JRK: variants seen among roughly 807,000 people sequenced by gnomAD.
JRK encodes jerky protein homolog.
For missense variants in JRK, 720 were observed against 509.2 expected (o/e 1.41, Z -3.98); for synonymous variants, 303 against 218.1 (o/e 1.39, Z -3.43).
chr8:142,666,032 C>G lies in JRK; in HGVS notation c.27G>C (p.Lys9Asn). 1 of 1,580,064 alleles carries G rather than the reference C, an allele frequency of 6.3e-7. No individual in the cohort carries two copies. Among genetic ancestry groups the G allele is most frequent in the Non-Finnish European group, 8.7e-7 (1 of 1,150,286 alleles). MASKPAAG[K>N]SRGEKRKRVV... ...CCCTCTTCCGCTTCTCCCCTCTGCT[C>G]TTCCCGGCAGCCGGCTTGGAGGCCA... The change falls in exon 2 of 2, where the codon AAG becomes AAC. Residue 9 changes from lysine (K) to asparagine (N), a missense_variant. Physicochemically the swap from Lys to Asn is moderately conservative, Grantham distance 94 (BLOSUM62 0). Transcript: ENST00000612905.
the JRK span, among the ~76,000 whole-genome samples, chr8:142,647,810 A>T: frequency 2.0e-5 from 3 of 152,348 alleles, no homozygotes; most frequent in Non-Finnish European, 2.9e-5. Flanking sequence ...CGTAAAAGGC[A>T]GGGGTTGGAA....
At chr8:142,652,168 G>A in the JRK span, among the ~76,000 whole-genome samples, 2 of 152,150 alleles carry the variant, frequency 1.3e-5, no homozygotes, top group South Asian at 2.1e-4. Context: ...GCACTCATAG[G>A]AGATTTTTTC....
At chr8:142,650,579 T>C in the JRK span, among the ~76,000 whole-genome samples, 24 of 152,338 alleles carry the variant, frequency 1.6e-4, no homozygotes, top group African/African-American at 4.6e-4. Context: ...GTTTTAAAGA[T>C]GGGAGTTTCT....
chr8:142,654,773 G>T (rs1315122067), downstream of JRK, among the ~76,000 whole-genome samples: 1 of 151,922 alleles, frequency 6.6e-6, no homozygotes, highest in African/African-American at 2.4e-5. Context: ...GGGTCAAGGG[G>T]CACAGCCTCC....
At chr8:142,657,287 G>C (rs1029954079), downstream of JRK, among the ~76,000 whole-genome samples, 4 of 152,200 alleles carry the variant, frequency 2.6e-5, no homozygotes, top group East Asian at 7.7e-4. Flanking sequence ...CGAGGGACAG[G>C]AGCAGAAGTG....
Position 142,667,514 on chromosome 8 carries a change from AG to A in JRK, c.-462-995del, listed in dbSNP as rs587726446. ...TCACACATACACGCTCAGAGGACAC[AG>A]GAACAAGCTAGCCCAGAGCAGGAAC... On this transcript the variant is annotated intron_variant, in intron 1 of 1. Coordinates refer to ENST00000612905, the MANE Select transcript of JRK (RefSeq NM_003724.4). Among the ~76,000 whole-genome samples the A allele has an allele frequency of 4.6e-3, 699 of 152,190 alleles. 7 individuals carry two copies. Among genetic ancestry groups the A allele is most frequent in the African/African-American group, 0.016 (643 of 41,470 alleles).
Position 142,663,806 on chromosome 8 carries a change from C to A in JRK, c.*546G>T, listed in dbSNP as rs782054871. On this transcript the variant is annotated 3_prime_UTR_variant, in exon 2 of 2. Transcript: ENST00000612905. ...TGCGGCCTGTTCAGCCGCTAGCAGGCCAAGAACTGAGTCCCAGCTCTCGGG... is the reference window on the plus strand; with the variant it reads ...TGCGGCCTGTTCAGCCGCTAGCAGGACAAGAACTGAGTCCCAGCTCTCGGG... The A allele has an allele frequency of 2.0e-6, 2 of 986,370 alleles. No homozygotes were observed. Among genetic ancestry groups the A allele is most frequent in the African/African-American group, 1.7e-5 (1 of 57,408 alleles). The allele number at this position is 986,370 out of a possible 1,614,324, so 61.1% of individuals were successfully genotyped here. A position where few individuals can be genotyped will look rare whatever the true frequency, so the allele number is the denominator to read the frequency against.
chr8:142,660,882 TG>T lies in JRK; in HGVS notation c.*3469del. The T allele has an allele frequency of 1.0e-6, 1 of 985,496 alleles. No individual in the cohort carries two copies. The highest frequency in any genetic ancestry group is 1.2e-6 in the Non-Finnish European group (1 of 830,100). The allele number at this position is 985,496 out of a possible 1,614,324, so 61.0% of individuals were successfully genotyped here. ...TCCCTCCACAAGCACATCCAGCCAC[TG>T]GGACCCTGAACCTCCTCCAAATGGA... is the stretch of plus-strand genomic sequence containing the variant. On this transcript the variant is annotated 3_prime_UTR_variant, in exon 2 of 2. Transcript: ENST00000612905.
chr8:142,661,555 TG>T lies in JRK; in HGVS notation c.*2796del, dbSNP rs1182428516. Reference sequence around the variant, plus strand: ...GCTACCCCACGAGCCACTGGAAAACTGAGGCTGCAACTTGCAGGGGCACTGT... The same window carrying T: ...GCTACCCCACGAGCCACTGGAAAACTAGGCTGCAACTTGCAGGGGCACTGT... On this transcript the variant is annotated 3_prime_UTR_variant, in exon 2 of 2. Coordinates refer to ENST00000612905, the MANE Select transcript of JRK (RefSeq NM_003724.4). The T allele has an allele frequency of 1.0e-6, 1 of 985,408 alleles. No homozygotes were observed. Among genetic ancestry groups the T allele is most frequent in the Non-Finnish European group, 1.2e-6 (1 of 829,998 alleles). The allele number at this position is 985,408 out of a possible 1,614,324, so 61.0% of individuals were successfully genotyped here.
In JRK at chr8:142,660,580, T is replaced by G; in HGVS notation, c.*3772A>C. 1.4e-6 allele frequency: 1 copy of G among 721,020 alleles called. No homozygotes were observed. The highest frequency in any genetic ancestry group is 1.7e-6 in the Non-Finnish European group (1 of 590,240). The allele number at this position is 721,020 out of a possible 1,614,324, so 44.7% of individuals were successfully genotyped here. A position where few individuals can be genotyped will look rare whatever the true frequency, so the allele number is the denominator to read the frequency against. On this transcript the variant is annotated 3_prime_UTR_variant, in exon 2 of 2. Transcript: ENST00000612905. ...ACACCTGGCTCATTTTCTTTTACTT[T>G]CTGTAGAGATGGGGTCTCCCTATGT...
In JRK at chr8:142,662,171, C is replaced by T; in HGVS notation, c.*2181G>A. 1.0e-6 allele frequency: 1 copy of T among 985,716 alleles called. No individual in the cohort carries two copies. Among genetic ancestry groups the T allele is most frequent in the African/African-American group, 1.7e-5 (1 of 57,380 alleles). The allele number at this position is 985,716 out of a possible 1,614,324, so 61.1% of individuals were successfully genotyped here. A position where few individuals can be genotyped will look rare whatever the true frequency, so the allele number is the denominator to read the frequency against. ...TCACTGGGGACAAGCGCCTACCCAT[C>T]AGCCCAGCACAGTCAGCACAAGAGC... On this transcript the variant is annotated 3_prime_UTR_variant, in exon 2 of 2. Coordinates refer to ENST00000612905, the MANE Select transcript of JRK (RefSeq NM_003724.4).
chr8:142,659,316 T>G lies in JRK; in HGVS notation c.*5036A>C, dbSNP rs1265239157. 9 of 1,008,686 alleles carry G rather than the reference T, an allele frequency of 8.9e-6. No homozygotes were observed. The highest frequency in any genetic ancestry group is 1.1e-5 in the Non-Finnish European group (9 of 844,344). 62.5% of individuals were successfully genotyped at this position (1,008,686 alleles called of 1,614,324 possible). ...AGACGCCTGACCCCAGAGCAGACCA[T>G]GCTGACACTGGGCAACACATTCCCT... On this transcript the variant is annotated 3_prime_UTR_variant, in exon 2 of 2. Transcript: ENST00000612905.
chr8:142,653,549 T>A (rs1398102100), downstream of JRK, among the ~76,000 whole-genome samples: 1 of 151,814 alleles, frequency 6.6e-6, no homozygotes, highest in Non-Finnish European at 1.5e-5. Context: ...ATTTTTTTTT[T>A]AATGTTTTGT....
At chr8:142,650,302 T>C in the JRK span, among the ~76,000 whole-genome samples, 2 of 151,628 alleles carry the variant, frequency 1.3e-5, no homozygotes, top group East Asian at 1.9e-4. Flanking sequence ...CTGTGGAGTT[T>C]TGAGTTAATG....
chr8:142,660,350 C>G lies in JRK; in HGVS notation c.*4002G>C. ...TGACTGTCCACATCCTGACCCCTAC[C>G]TACCTCATGACCTCCCCGACCCTGA... is the stretch of plus-strand genomic sequence containing the variant. On this transcript the variant is annotated 3_prime_UTR_variant, in exon 2 of 2. Coordinates refer to ENST00000612905, the MANE Select transcript of JRK (RefSeq NM_003724.4). The G allele has an allele frequency of 1.0e-6, 1 of 985,550 alleles. No homozygotes were observed. The highest frequency in any genetic ancestry group is 4.7e-5 in the South Asian group (1 of 21,282). The allele number at this position is 985,550 out of a possible 1,614,324, so 61.1% of individuals were successfully genotyped here.
rs1587531265 is a variant in JRK at position 142,666,283 on chromosome 8, A to G, written c.-225T>C. ...ATCCCTGGTCTTCCAGGCTCCACAC[A>G]CCTAGGCCTTGGCTCCTGGCAGTGC... On this transcript the variant is annotated 5_prime_UTR_variant, in exon 2 of 2. Coordinates refer to ENST00000612905, the MANE Select transcript of JRK (RefSeq NM_003724.4). The G allele has an allele frequency of 3.3e-5, 23 of 707,486 alleles. No homozygotes were observed. In the South Asian group the frequency reaches 3.8e-4, roughly 12 times the overall value. The allele number at this position is 707,486 out of a possible 1,614,324, so 43.8% of individuals were successfully genotyped here.
chr8:142,647,864 T>G, the JRK span, among the ~76,000 whole-genome samples: 340 of 152,302 alleles, frequency 2.2e-3, no homozygotes, highest in African/African-American at 7.4e-3. Flanking sequence ...GTGGGAAAGT[T>G]TGGAACTTCC....
chr8:142,660,446 C>T lies in JRK; in HGVS notation c.*3906G>A. 1 of 978,930 alleles carries T rather than the reference C, an allele frequency of 1.0e-6. No homozygotes were observed. The highest frequency in any genetic ancestry group is 4.7e-5 in the South Asian group (1 of 21,162). The allele number at this position is 978,930 out of a possible 1,614,324, so 60.6% of individuals were successfully genotyped here. ...AGAGATTAGGTCTCTCACTCTGTCA[C>T]CCAGGCTGGAGTGCAGAGGCCATAA... On this transcript the variant is annotated 3_prime_UTR_variant, in exon 2 of 2. Transcript: ENST00000612905.
chr8:142,647,264 AT>A, the JRK span, among the ~76,000 whole-genome samples: 23 of 151,944 alleles, frequency 1.5e-4, no homozygotes, highest in East Asian at 1.9e-4. Flanking sequence ...TGCACTTAAA[AT>A]TTTTTTTCTT....
Sources: gnomAD v4.1 joint callset for allele counts (sites outside exome capture counted in the v4.1 genomes callset) on GRCh38, gnomAD v4.1.1 for gene constraint, MANE v1.5 for transcripts, NCBI Gene and HGNC (gene_info 2026-07-23, HGNC 2026-07-21) for gene names.